The following GTF3C5 variants were observed in gnomAD, a reference collection of about 807,000 sequenced individuals.
The protein encoded by GTF3C5 is general transcription factor IIIC subunit 5.
GTF3C5 carries 47 observed loss-of-function variants against 61.0 expected under a neutral mutation model. The ratio of observed to expected loss-of-function variants is 0.77; its 90% CI spans 0.61 to 0.98. GTF3C5 has a LOEUF of 0.98. Among genes scored for constraint, GTF3C5 ranks in the 50% least tolerant of loss-of-function variants. GTF3C5 has a pLI of 0.00. For synonymous variants in GTF3C5, 295 were observed against 275.4 expected (o/e 1.07, Z -0.71); for missense variants, 659 against 703.3 (o/e 0.94, Z 0.71).
intron 10 of GTF3C5, 151 bp downstream of exon 10, chr9:133,057,059 GAGCC>G: frequency 1.3e-6 from 1 of 748,478 alleles, no homozygotes; most frequent in Non-Finnish European, 2.0e-6. Context: ...TTGTGAGCCA[GAGCC>G]CAGCCCAGGT....
chr9:133,044,242 G>A, intron 3 of GTF3C5: 1 of 370,538 alleles, frequency 2.7e-6, no homozygotes. Flanking sequence ...GCAGTTCTCA[G>A]CACAGGGCTG....
At chr9:133,053,173 G>T (rs936283700) in intron 5 of GTF3C5, among the ~76,000 whole-genome samples, 7 of 152,110 alleles carry the variant, frequency 4.6e-5, no homozygotes, top group Non-Finnish European at 7.4e-5. Flanking sequence ...CCATTCAAAA[G>T]CTCCGTTTAG....
Position 133,043,879 on chromosome 9 carries a change from G to A in GTF3C5, c.525G>A (p.Arg175=). The change falls in exon 3 of 11, where the codon CGG becomes CGA. Residue 175 remains arginine, a synonymous_variant. Transcript: ENST00000372097. The part of the protein sequence containing the change: ...PLYIPPPIFS[R]LDAPVDYFYR... ...ACATCCCCCCACCCATCTTCTCCCGGCTGGACGCCCCGGTGGACTACTTCT... is the reference window on the plus strand; with the variant it reads ...ACATCCCCCCACCCATCTTCTCCCGACTGGACGCCCCGGTGGACTACTTCT... 1.2e-6 allele frequency: 2 copies of A among 1,614,078 alleles called. No homozygotes were observed. The highest frequency in any genetic ancestry group is 1.7e-6 in the Non-Finnish European group (2 of 1,180,002).
chr9:133,055,747 T>C, intron 8 of GTF3C5: 1 of 1,315,998 alleles, frequency 7.6e-7, no homozygotes, highest in Non-Finnish European at 9.7e-7. Context: ...ATGGGCGCCA[T>C]GGCCTGCTGC....
chr9:133,039,519 T>G (rs1188692551), intron 1 of GTF3C5, among the ~76,000 whole-genome samples: 3 of 152,152 alleles, frequency 2.0e-5, no homozygotes, highest in African/African-American at 7.2e-5. Flanking sequence ...TCTTCTCACC[T>G]CACCCTGCCA....
intron 9 of GTF3C5, among the ~76,000 whole-genome samples, chr9:133,056,321 T>TC (rs1829937746): frequency 1.3e-5 from 2 of 152,292 alleles, no homozygotes; most frequent in South Asian, 4.1e-4. Context: ...TTCTTACTGT[T>TC]ATGTCCTTGC....
At chr9:133,037,881 C>T (rs1394019951) in intron 1 of GTF3C5, among the ~76,000 whole-genome samples, 1 of 152,186 alleles carries the variant, frequency 6.6e-6, no homozygotes, top group African/African-American at 2.4e-5. Context: ...CAGAAGTAAA[C>T]TTAGCACATT....
At chr9:133,036,894 T>G (rs992826712) in intron 1 of GTF3C5, among the ~76,000 whole-genome samples, 2 of 152,164 alleles carry the variant, frequency 1.3e-5, no homozygotes, top group Non-Finnish European at 2.9e-5. Context: ...GCTCTACAGA[T>G]TGAAGCTTTC....
chr9:133,055,793 G>A (rs1829921141), intron 8 of GTF3C5: 1 of 1,375,340 alleles, frequency 7.3e-7, no homozygotes, highest in South Asian at 1.6e-5. Flanking sequence ...GCCCCAGGAG[G>A]GCCTGGGTGC....
At chr9:133,035,843 G>A in intron 1 of GTF3C5, among the ~76,000 whole-genome samples, 1 of 152,218 alleles carries the variant, frequency 6.6e-6, no homozygotes, top group East Asian at 1.9e-4. Context: ...ACACTTGGGT[G>A]ATTAATTCCT....
At chr9:133,057,727 A>T in intron 10 of GTF3C5, 87 bp from the exon 11 acceptor site, 1 of 1,321,736 alleles carries the variant, frequency 7.6e-7, no homozygotes, top group Non-Finnish European at 1.0e-6. Flanking sequence ...TATAGTAGTA[A>T]ACAGGCTCCC....
intron 3 of GTF3C5, among the ~76,000 whole-genome samples, chr9:133,048,703 G>A (rs775134418): frequency 1.3e-5 from 2 of 151,798 alleles, no homozygotes; most frequent in Non-Finnish European, 2.9e-5. Flanking sequence ...CAGCACTGCC[G>A]CCCCTGGCAC....
chr9:133,031,269 G>T, intron 1 of GTF3C5, 105 bp downstream of exon 1: 9 of 911,610 alleles, frequency 9.9e-6, no homozygotes, highest in Non-Finnish European at 1.5e-5. Context: ...ATTTACTTAC[G>T]CAGAAGGGTG....
chr9:133,053,436 T>G (rs1588478348), intron 5 of GTF3C5, among the ~76,000 whole-genome samples: 1 of 152,140 alleles, frequency 6.6e-6, no homozygotes, highest in African/African-American at 2.4e-5. Context: ...AAATTAAAAA[T>G]TAGCTGGGTG....
intron 8 of GTF3C5, chr9:133,055,614 G>A (rs1829915865): frequency 2.0e-6 from 2 of 985,342 alleles, no homozygotes; most frequent in Admixed American, 6.1e-5. Context: ...CAGAAAAGAT[G>A]TCAGGGCAGC....
At chr9:133,055,986 C>A in intron 8 of GTF3C5, 26 bp from the exon 9 acceptor site, 1 of 1,613,882 alleles carries the variant, frequency 6.2e-7, no homozygotes, top group South Asian at 1.1e-5. Flanking sequence ...CTCACCTTCC[C>A]TGTCTCTCTC....
intron 4 of GTF3C5, 41 bp from the exon 5 acceptor site, chr9:133,052,018 GC>G: frequency 9.4e-7 from 1 of 1,063,228 alleles, no homozygotes; most frequent in Non-Finnish European, 1.4e-6. Flanking sequence ...AAGGGTGGAA[GC>G]TGCTGGTGCT....
At chr9:133,048,826 C>G (rs1215752302) in intron 3 of GTF3C5, among the ~76,000 whole-genome samples, 1 of 152,180 alleles carries the variant, frequency 6.6e-6, no homozygotes, top group African/African-American at 2.4e-5. Flanking sequence ...GGCCCCAAGG[C>G]CCCCCTCCCT....
chr9:133,045,794 G>A (rs767089332), intron 3 of GTF3C5, among the ~76,000 whole-genome samples: 101 of 152,096 alleles, frequency 6.6e-4, no homozygotes, highest in Non-Finnish European at 1.1e-3. Flanking sequence ...CCACCAGTAC[G>A]CCCAGCTTAT....
Sources: allele counts gnomAD v4.1 joint callset (sites outside exome capture counted in the v4.1 genomes callset), GRCh38; gene constraint gnomAD v4.1.1; transcripts MANE v1.5; gene names NCBI Gene and HGNC (gene_info 2026-07-23, HGNC 2026-07-21).